MAGI2: variants seen among roughly 807,000 people sequenced by gnomAD.
MAGI2 encodes the protein membrane associated guanylate kinase, WW and PDZ domain containing 2, also known as membrane-associated guanylate kinase, WW and PDZ domain-containing protein 2.
Under a neutral mutation model 133.3 loss-of-function variants are expected in MAGI2, and 35 were observed. The ratio of observed to expected loss-of-function variants is 0.26; its 90% CI spans 0.20 to 0.35. The LOEUF (loss-of-function observed/expected upper bound fraction) is 0.35. MAGI2 is among the 10% of genes least tolerant of loss of function. MAGI2 has a pLI of 1.00. For synonymous variants in MAGI2, 729 were observed against 710.6 expected (o/e 1.03, Z -0.41); for missense variants, 1,636 against 1,863.4 (o/e 0.88, Z 2.25).
At chr7:78,361,821 G>C (rs1354754056) in intron 7 of MAGI2, among the ~76,000 whole-genome samples, 1 of 152,140 alleles carries the variant, frequency 6.6e-6, no homozygotes, top group Non-Finnish European at 1.5e-5. Context: ...AGTATGAGTA[G>C]GATAGAGAGC....
chr7:78,775,265 A>ATTGTG (rs1825895260), intron 2 of MAGI2, among the ~76,000 whole-genome samples: 1 of 135,254 alleles, frequency 7.4e-6, no homozygotes, highest in Non-Finnish European at 1.5e-5. Flanking sequence ...GTGAGCCCAG[A>ATTGTG]TTGTGCCATT....
intron 1 of MAGI2, among the ~76,000 whole-genome samples, chr7:79,445,571 A>G (rs1241866742): frequency 1.3e-5 from 2 of 152,246 alleles, no homozygotes; most frequent in African/African-American, 4.8e-5. Flanking sequence ...AAAAATGCTC[A>G]TCATCACTGG....
Position 78,144,047 on chromosome 7 carries a change from T to C in MAGI2, c.2846-8841A>G, listed in dbSNP as rs546361604. ...ATATGATGACAATTTAAGAGACTTA[T>C]AGCAAGCTAATTGTTTTCCTTACAT... On this transcript the variant is annotated intron_variant, in intron 16 of 21. Transcript: ENST00000354212. 7.4e-4 allele frequency among the ~76,000 whole-genome samples: 113 copies of C among 152,176 alleles called. 1 individual carries two copies. The South Asian group carries it at 7.5e-3, about 10-fold the overall frequency.
chr7:78,176,245 T>C (rs1057479042), intron 14 of MAGI2, among the ~76,000 whole-genome samples: 6 of 152,148 alleles, frequency 3.9e-5, no homozygotes, highest in Non-Finnish European at 8.8e-5. Flanking sequence ...TACCTCAGCA[T>C]TTTCCCTCCT....
intron 1 of MAGI2, among the ~76,000 whole-genome samples, chr7:79,425,230 C>T (rs929736526): frequency 4.7e-5 from 7 of 148,086 alleles, no homozygotes; most frequent in Admixed American, 1.4e-4. Flanking sequence ...CCAGCCTGGG[C>T]GACAGAGCGA....
intron 9 of MAGI2, among the ~76,000 whole-genome samples, chr7:78,261,659 T>G (rs942986085): frequency 6.6e-6 from 1 of 152,098 alleles, no homozygotes; most frequent in Non-Finnish European, 1.5e-5. Flanking sequence ...TTTGCCAGGT[T>G]ATCCAGATTT....
chr7:79,238,408 G>A (rs1407629160), intron 1 of MAGI2, among the ~76,000 whole-genome samples: 1 of 151,758 alleles, frequency 6.6e-6, no homozygotes, highest in African/African-American at 2.4e-5. Flanking sequence ...TCCTTCCTGG[G>A]ACCCTTCCAT....
intron 6 of MAGI2, among the ~76,000 whole-genome samples, chr7:78,369,508 T>C (rs1026945377): frequency 9.9e-5 from 15 of 152,100 alleles, no homozygotes; most frequent in African/African-American, 3.6e-4. Context: ...TAGTGCAATA[T>C]AGAAGGCAAA....
chr7:78,679,154 T>C (rs999272671), intron 2 of MAGI2, among the ~76,000 whole-genome samples: 1 of 152,208 alleles, frequency 6.6e-6, no homozygotes, highest in African/African-American at 2.4e-5. Context: ...CCAGCTCAGA[T>C]GTCACCTCCT....
chr7:78,904,281 T>C (rs1168696383), intron 2 of MAGI2: 1 of 152,090 alleles, frequency 6.6e-6, no homozygotes, highest in Non-Finnish European at 1.5e-5. Context: ...GAAGAAAATT[T>C]CCAAAAATAT....
chr7:78,661,989 G>C (rs566946020), intron 2 of MAGI2, among the ~76,000 whole-genome samples: 1 of 152,292 alleles, frequency 6.6e-6, no homozygotes, highest in Non-Finnish European at 1.5e-5. Flanking sequence ...GGAGTAGGCT[G>C]TGTAGGGGTG....
At chr7:78,795,954 C>T (rs997459151) in intron 2 of MAGI2, among the ~76,000 whole-genome samples, 21 of 152,160 alleles carry the variant, frequency 1.4e-4, no homozygotes, top group South Asian at 4.2e-4. Context: ...GAAACTAGAT[C>T]CCATCTTTCA....
At chr7:79,178,599 C>A (rs905223701) in intron 1 of MAGI2, among the ~76,000 whole-genome samples, 2 of 151,604 alleles carry the variant, frequency 1.3e-5, no homozygotes, top group Non-Finnish European at 2.9e-5. Context: ...GTAGTCCCAG[C>A]TACTCAGGAG....
chr7:79,028,217 ATATATATATATATGTATGT>A (rs1810103049), intron 1 of MAGI2, among the ~76,000 whole-genome samples: 1 of 60,756 alleles, frequency 1.6e-5, no homozygotes, highest in African/African-American at 5.8e-5. Flanking sequence ...TCTCAAAAAA[ATATATATATATATGTATGT>A]ATATATATAT....
intron 20 of MAGI2, among the ~76,000 whole-genome samples, chr7:78,087,212 A>G (rs1816738180): frequency 6.6e-6 from 1 of 152,228 alleles, no homozygotes; most frequent in Non-Finnish European, 1.5e-5. Flanking sequence ...GTCACATGGG[A>G]AATAACCACA....
At chr7:79,062,658 AT>A (rs1402855246) in intron 1 of MAGI2, among the ~76,000 whole-genome samples, 2 of 152,040 alleles carry the variant, frequency 1.3e-5, no homozygotes, top group African/African-American at 4.8e-5. Flanking sequence ...AAAAATATAT[AT>A]TTTCATGAGT....
intron 2 of MAGI2, among the ~76,000 whole-genome samples, chr7:78,881,054 G>A (rs536687): frequency 0.61 from 92,858 of 151,980 alleles, 29,685 homozygotes; most frequent in Middle Eastern, 0.75. Flanking sequence ...CAACATTGGA[G>A]GACTCAGATT....
At chr7:78,199,481 C>T (rs4727627) in intron 11 of MAGI2, among the ~76,000 whole-genome samples, 143,726 of 152,250 alleles carry the variant, frequency 0.94, 68,404 homozygotes, top group East Asian at 1. Flanking sequence ...AGGGGTGTTA[C>T]TATCTCCATT....
intron 6 of MAGI2, among the ~76,000 whole-genome samples, chr7:78,433,037 T>C (rs1168116292): frequency 6.6e-6 from 1 of 152,082 alleles, no homozygotes; most frequent in African/African-American, 2.4e-5. Context: ...ATGTTCACTC[T>C]TTAGAGTAGT....
Sources: gnomAD v4.1 joint callset for allele counts (sites outside exome capture counted in the v4.1 genomes callset) on GRCh38, gnomAD v4.1.1 for gene constraint, MANE v1.5 for transcripts, NCBI Gene and HGNC (gene_info 2026-07-23, HGNC 2026-07-21) for gene names.